The following PCDHA2 variants were observed in gnomAD, a reference collection of about 807,000 sequenced individuals.
PCDHA2 encodes protocadherin alpha 2, also known as protocadherin alpha-2.
A neutral mutation model predicts 66.0 loss-of-function variants in PCDHA2; 58 were observed. The ratio of observed to expected loss-of-function variants is 0.88; its 90% CI spans 0.71 to 1.09. PCDHA2 has a LOEUF of 1.09. Ranked by LOEUF, PCDHA2 falls within the 50% of genes least tolerant of loss-of-function variation. The probability of loss-of-function intolerance (pLI) is 0.00; values close to 1 mark genes in which losing one functional copy is unlikely to be tolerated. For synonymous variants in PCDHA2, 634 were observed against 554.0 expected (o/e 1.14, Z -2.03); for missense variants, 1,267 against 1,242.3 (o/e 1.02, Z -0.30).
rs2150311010 is a variant in PCDHA2 at position 140,841,095 on chromosome 5, A to G, written c.2388+43743A>G. On this transcript the variant is annotated intron_variant, in intron 1 of 3. Transcript: ENST00000526136. ...ATAGAAAGTGCATAGAAGAACCCAGATATTGCGGAAGTAATTCATGTAATC... is the reference window on the plus strand; with the variant it reads ...ATAGAAAGTGCATAGAAGAACCCAGGTATTGCGGAAGTAATTCATGTAATC... The G allele has an allele frequency of 8.8e-5, 50 of 569,466 alleles. 1 individual carries two copies. The highest frequency in any genetic ancestry group is 1.5e-4 in the Non-Finnish European group (49 of 329,750). The allele number at this position is 569,466 out of a possible 1,614,324, so 35.3% of individuals were successfully genotyped here. A position where few individuals can be genotyped will look rare whatever the true frequency, so the allele number is the denominator to read the frequency against.
At chr5:140,891,698 T>C (rs2063212804) in intron 1 of PCDHA2, among the ~76,000 whole-genome samples, 1 of 152,258 alleles carries the variant, frequency 6.6e-6, no homozygotes, top group Non-Finnish European at 1.5e-5. Context: ...TGCTGTTGTC[T>C]GAATTTGTAC....
intron 1 of PCDHA2, among the ~76,000 whole-genome samples, chr5:140,874,989 A>G (rs1411320872): frequency 6.6e-6 from 1 of 152,218 alleles, no homozygotes; most frequent in Non-Finnish European, 1.5e-5. Context: ...ATTATTCTGT[A>G]TATCATTTTC....
intron 1 of PCDHA2, chr5:140,882,370 C>T: frequency 6.2e-7 from 1 of 1,614,220 alleles, no homozygotes; most frequent in Non-Finnish European, 8.5e-7. Context: ...TCCACTACTC[C>T]GTCCCCGAGG....
intron 1 of PCDHA2, chr5:140,877,485 G>A (rs1554169791): frequency 6.2e-7 from 1 of 1,613,882 alleles, no homozygotes; most frequent in Admixed American, 1.7e-5. Flanking sequence ...CGCTGGTGGA[G>A]AACGGCCAGG....
chr5:140,870,704 T>A, intron 1 of PCDHA2: 1 of 1,612,984 alleles, frequency 6.2e-7, no homozygotes, highest in East Asian at 2.2e-5. Flanking sequence ...CAGTTCCAGG[T>A]GAGCGCGCGC....
At chr5:140,910,794 T>A (rs1431401808) in intron 1 of PCDHA2, among the ~76,000 whole-genome samples, 5 of 152,166 alleles carry the variant, frequency 3.3e-5, no homozygotes, top group Non-Finnish European at 7.3e-5. Flanking sequence ...AAATGCAGAA[T>A]CCCTGCTTAG....
intron 1 of PCDHA2, chr5:140,842,947 G>A: frequency 6.3e-7 from 1 of 1,594,658 alleles, no homozygotes; most frequent in Non-Finnish European, 8.6e-7. Flanking sequence ...ACGCGGGCGT[G>A]CCGCCTCTGG....
Position 140,848,482 on chromosome 5 carries a change from A to G in PCDHA2, c.2388+51130A>G, listed in dbSNP as rs1562444784. ...GGCAATTTTCACTAATTAGAAGAAG[A>G]CTGAGTATTTGAAATGTTATACTCA... On this transcript the variant is annotated intron_variant, in intron 1 of 3. Transcript: ENST00000526136. 3 of 1,569,886 alleles carry G rather than the reference A, an allele frequency of 1.9e-6. 1 individual carries two copies. In the African/African-American group the frequency reaches 4.1e-5, roughly 21 times the overall value.
intron 1 of PCDHA2, chr5:140,852,045 G>A: frequency 2.2e-6 from 2 of 919,488 alleles, no homozygotes; most frequent in Non-Finnish European, 2.6e-6. Flanking sequence ...TTTTTGTTAT[G>A]TGGTTTATAT....
Position 140,858,656 on chromosome 5 carries a change from T to A in PCDHA2, c.2388+61304T>A, listed in dbSNP as rs1562540116. 9 of 783,778 alleles carry A rather than the reference T, an allele frequency of 1.1e-5. 2 individuals are homozygous for A. The highest frequency in any genetic ancestry group is 1.6e-5 in the Non-Finnish European group (8 of 509,472). 48.6% of individuals were successfully genotyped at this position (783,778 alleles called of 1,614,324 possible). A position where few individuals can be genotyped will look rare whatever the true frequency, so the allele number is the denominator to read the frequency against. On this transcript the variant is annotated intron_variant, in intron 1 of 3. Transcript: ENST00000526136. ...CCTTTGATTGGTACTTAAATTTTTTTAAATAACAATTTATTCTGAATACAC... is the reference window on the plus strand; with the variant it reads ...CCTTTGATTGGTACTTAAATTTTTTAAAATAACAATTTATTCTGAATACAC...
intron 1 of PCDHA2, among the ~76,000 whole-genome samples, chr5:140,912,652 G>C (rs555103404): frequency 1.4e-4 from 21 of 152,250 alleles, no homozygotes; most frequent in African/African-American, 5.1e-4. Context: ...TTGAATAGAA[G>C]TGGTGAAAAT....
At chr5:140,863,524 T>A in intron 1 of PCDHA2, 1 of 397,376 alleles carries the variant, frequency 2.5e-6, no homozygotes, top group Non-Finnish European at 4.9e-6. Context: ...CTCCCATGGT[T>A]CAGATTTTGG....
At chr5:140,902,085 GT>G (rs1225919893) in intron 1 of PCDHA2, among the ~76,000 whole-genome samples, 1 of 151,518 alleles carries the variant, frequency 6.6e-6, no homozygotes, top group African/African-American at 2.4e-5. Context: ...TGTTTTAATA[GT>G]TTTTTGGAGT....
chr5:140,832,192 A>C (rs1239863320), intron 1 of PCDHA2, among the ~76,000 whole-genome samples: 1 of 152,208 alleles, frequency 6.6e-6, no homozygotes, highest in East Asian at 1.9e-4. Context: ...AAGACATTTA[A>C]CCTGCTGAGT....
At chr5:140,964,417 C>T (rs1279243450) in intron 1 of PCDHA2, among the ~76,000 whole-genome samples, 15 of 152,088 alleles carry the variant, frequency 9.9e-5, no homozygotes, top group Admixed American at 9.8e-4. Context: ...TGGGGGCTTC[C>T]ATTAAAAAAT....
At chr5:140,842,672 A>G in intron 1 of PCDHA2, 2 of 1,595,340 alleles carry the variant, frequency 1.3e-6, no homozygotes, top group Non-Finnish European at 1.7e-6. Flanking sequence ...CGTGAACGAC[A>G]ATGCTCCGGC....
intron 1 of PCDHA2, chr5:140,813,615 T>A (rs2126648009): frequency 6.6e-6 from 1 of 152,216 alleles, no homozygotes; most frequent in Non-Finnish European, 1.5e-5. Flanking sequence ...GAATGGTGAG[T>A]GAATGTGAAG....
intron 1 of PCDHA2, among the ~76,000 whole-genome samples, chr5:140,937,959 T>C (rs1344033743): frequency 5.3e-5 from 8 of 152,142 alleles, no homozygotes; most frequent in African/African-American, 1.9e-4. Context: ...TTGTTGAAAG[T>C]ATATAGAAAT....
At chr5:140,831,620 C>A (rs1771646010) in intron 1 of PCDHA2, among the ~76,000 whole-genome samples, 1 of 150,644 alleles carries the variant, frequency 6.6e-6, no homozygotes, top group Admixed American at 6.7e-5. Context: ...ACCTTGGCCT[C>A]CCAAAGTACT....
Sources: gnomAD v4.1 joint callset for allele counts (sites outside exome capture counted in the v4.1 genomes callset) on GRCh38, gnomAD v4.1.1 for gene constraint, MANE v1.5 for transcripts, NCBI Gene and HGNC (gene_info 2026-07-23, HGNC 2026-07-21) for gene names.